The following ARL3 variants were observed in gnomAD, a reference collection of about 807,000 sequenced individuals.
ARL3 encodes ADP-ribosylation factor-like protein 3.
Under a neutral mutation model 26.0 loss-of-function variants are expected in ARL3, and 9 were observed. The ratio of observed to expected loss-of-function variants is 0.35; its 90% confidence interval spans 0.21 to 0.60. The LOEUF (loss-of-function observed/expected upper bound fraction) is 0.60, where lower values mean the gene tolerates loss of function less well. Ranked by LOEUF, ARL3 falls within the 20% of genes least tolerant of loss-of-function variation. The pLI is 0.78. For synonymous variants in ARL3, 71 were observed against 78.4 expected (o/e 0.91, Z 0.50); for missense variants, 158 against 215.7 (o/e 0.73, Z 1.67).
chr10:102,708,886 T>TAATATATATATA lies in ARL3; in HGVS notation c.4-3398_4-3397insTATATATATATT, dbSNP rs60736499. ...CAAAAACAAAAAATAAAACCATATA[T>TAATATATATATA]TATATATATATATATATATATATTT... On this transcript the variant is annotated intron_variant, in intron 1 of 5. Transcript: ENST00000260746. Among the ~76,000 whole-genome samples the TAATATATATATA allele has an allele frequency of 5.5e-3, 500 of 90,202 alleles. 16 individuals are homozygous for TAATATATATATA. The highest frequency in any genetic ancestry group is 0.013 in the Middle Eastern group (2 of 150). 59.2% of individuals were successfully genotyped at this position (90,202 alleles called of 152,430 possible).
At position 102,681,392 on chromosome 10, in the gene ARL3, C is replaced by CAAAA. The variant is rs11421481; in HGVS notation, c.501+4420_501+4423dup. ...GGGCAAGAAGAGCGAAACTCCATCT[C>CAAAA]AAAAAAAAAAAAAAAATTAAAATTC... On this transcript the variant is annotated intron_variant, in intron 5 of 5. Transcript: ENST00000260746. Among the ~76,000 whole-genome samples, 44 of 132,618 alleles carry CAAAA rather than the reference C, an allele frequency of 3.3e-4. 1 individual carries two copies. Among genetic ancestry groups the CAAAA allele is most frequent in the East Asian group, 1.8e-3 (8 of 4,570 alleles). 87.0% of individuals were successfully genotyped at this position (132,618 alleles called of 152,430 possible). A position where few individuals can be genotyped will look rare whatever the true frequency, so the allele number is the denominator to read the frequency against.
chr10:102,714,260 C>A lies in ARL3; in HGVS notation c.3+13G>T. ...CCGGCCGGCTCCAAGGGGGCCCAGG[C>A]CCCCACACTCACCATCCTCCCGCCG... is the stretch of plus-strand genomic sequence containing the variant. On this transcript the variant is annotated intron_variant, in intron 1 of 5. Coordinates refer to ENST00000260746, the MANE Select transcript of ARL3 (RefSeq NM_004311.4). 7.6e-7 allele frequency: 1 copy of A among 1,313,738 alleles called. No homozygotes were observed. Among genetic ancestry groups the A allele is most frequent in the Non-Finnish European group, 9.8e-7 (1 of 1,022,700 alleles). The allele number at this position is 1,313,738 out of a possible 1,614,324, so 81.4% of individuals were successfully genotyped here. A position where few individuals can be genotyped will look rare whatever the true frequency, so the allele number is the denominator to read the frequency against.
intron 2 of ARL3, among the ~76,000 whole-genome samples, chr10:102,703,202 A>T (rs2064289721): frequency 6.9e-6 from 1 of 144,478 alleles, no homozygotes; most frequent in African/African-American, 2.5e-5. Flanking sequence ...GCTCACTGTA[A>T]TCTCCGCCTC....
In ARL3 at chr10:102,699,422, C is replaced by T. The variant is rs142888126; in HGVS notation, c.215G>A (p.Arg72Lys). The stretch of plus-strand genomic sequence containing the variant: ...ATTCTTCCAGTATGGTCTGATTTTC[C>T]TCTGTCCACCAATGTCCCATACATT... ...KLNVWDIGGQ[R>K]KIRPYWKNYF... The change falls in exon 3 of 6, where the codon AGG becomes AAG. Residue 72 changes from arginine to lysine, a missense_variant. By Grantham distance (26) the Arg-to-Lys change is conservative. Transcript: ENST00000260746. 7.4e-6 allele frequency: 12 copies of T among 1,612,958 alleles called. No homozygotes were observed. Among genetic ancestry groups the T allele is most frequent in the Non-Finnish European group, 1.0e-5 (12 of 1,179,370 alleles).
At chr10:102,685,672 C>G in intron 5 of ARL3, 144 bp downstream of exon 5, 1 of 841,090 alleles carries the variant, frequency 1.2e-6, no homozygotes, top group Non-Finnish European at 1.8e-6. Flanking sequence ...TGATTGGTTG[C>G]TAAGCAGAAA....
At chr10:102,684,580 C>T (rs2064172487) in intron 5 of ARL3, among the ~76,000 whole-genome samples, 1 of 152,136 alleles carries the variant, frequency 6.6e-6, no homozygotes, top group Admixed American at 6.5e-5. Flanking sequence ...GGCCTTATGA[C>T]TGCCATCCTA....
chr10:102,701,869 G>C (rs2064281291), intron 2 of ARL3, among the ~76,000 whole-genome samples: 1 of 152,014 alleles, frequency 6.6e-6, no homozygotes, highest in African/African-American at 2.4e-5. Context: ...AACATAGAAA[G>C]ATGTTCATGA....
rs75810299 is a variant in ARL3 at position 102,705,663 on chromosome 10, A to G, written c.4-174T>C. 9.2e-5 allele frequency among the ~76,000 whole-genome samples: 14 copies of G among 152,328 alleles called. No homozygotes were observed. In the East Asian group the frequency reaches 2.7e-3, roughly 29 times the overall value. On this transcript the variant is annotated intron_variant, in intron 1 of 5. Transcript: ENST00000260746. ...CTTCCTCTTTCCAAGTTTCGGTAGA[A>G]GTGCTACAGTAAATTCAGCAACTTA... is the stretch of plus-strand genomic sequence containing the variant.
intron 3 of ARL3, among the ~76,000 whole-genome samples, chr10:102,691,249 T>C (rs1015558749): frequency 6.7e-6 from 1 of 150,336 alleles, no homozygotes; most frequent in Non-Finnish European, 1.5e-5. Flanking sequence ...ATTAGGTATA[T>C]CTCCCAATGC....
chr10:102,703,446 T>C (rs1216052947), intron 2 of ARL3, among the ~76,000 whole-genome samples: 7 of 55,256 alleles, frequency 1.3e-4, no homozygotes, highest in African/African-American at 5.4e-4. Context: ...TTTTTTTTTT[T>C]TTTTTTTTTT....
chr10:102,708,850 C>T (rs1171528342), intron 1 of ARL3, among the ~76,000 whole-genome samples: 1 of 144,218 alleles, frequency 6.9e-6, no homozygotes, highest in Non-Finnish European at 1.5e-5. Context: ...AAGTGAAACT[C>T]CATCTCAAAA....
intron 3 of ARL3, among the ~76,000 whole-genome samples, chr10:102,692,661 C>T (rs1236515456): frequency 2.0e-5 from 3 of 152,022 alleles, no homozygotes; most frequent in Non-Finnish European, 4.4e-5. Flanking sequence ...GGTGATCCAC[C>T]CACCTCAGCC....
At chr10:102,708,198 C>A (rs2064319466) in intron 1 of ARL3, among the ~76,000 whole-genome samples, 1 of 151,886 alleles carries the variant, frequency 6.6e-6, no homozygotes, top group Non-Finnish European at 1.5e-5. Context: ...TTTATCTCAT[C>A]TGGTCTTGAA....
chr10:102,705,604 T>C, intron 1 of ARL3, 115 bp from the exon 2 acceptor site: 1 of 1,091,136 alleles, frequency 9.2e-7, no homozygotes, highest in Non-Finnish European at 1.2e-6. Flanking sequence ...GCTTATGTTA[T>C]TATTTTTCAT....
At chr10:102,692,644 G>A (rs1443641840) in intron 3 of ARL3, among the ~76,000 whole-genome samples, 1 of 152,094 alleles carries the variant, frequency 6.6e-6, no homozygotes, top group African/African-American at 2.4e-5. Context: ...TCGAACTCCT[G>A]ACCTCAGGTG....
chr10:102,694,594 T>C (rs965812313), intron 3 of ARL3, among the ~76,000 whole-genome samples: 2 of 152,202 alleles, frequency 1.3e-5, no homozygotes, highest in African/African-American at 4.8e-5. Flanking sequence ...GAAAAGATTA[T>C]CCTTCCTCCC....
At chr10:102,704,448 G>A (rs1031411223) in intron 2 of ARL3, among the ~76,000 whole-genome samples, 4 of 152,048 alleles carry the variant, frequency 2.6e-5, no homozygotes, top group Non-Finnish European at 5.9e-5. Context: ...AGACCAGCCT[G>A]GCCAACATGG....
chr10:102,691,294 C>T (rs2064216111), intron 3 of ARL3, among the ~76,000 whole-genome samples: 1 of 130,980 alleles, frequency 7.6e-6, no homozygotes, highest in Non-Finnish European at 1.6e-5. Flanking sequence ...CACCACAGTC[C>T]CCAGAGTGTG....
chr10:102,703,767 G>GC (rs1284472336), intron 2 of ARL3, among the ~76,000 whole-genome samples: 1 of 151,654 alleles, frequency 6.6e-6, no homozygotes, highest in African/African-American at 2.4e-5. Flanking sequence ...AAACCTCCAC[G>GC]CTGTGAGCAC....
Sources: allele counts gnomAD v4.1 joint callset (sites outside exome capture counted in the v4.1 genomes callset), GRCh38; gene constraint gnomAD v4.1.1; transcripts MANE v1.5; gene names NCBI Gene and HGNC (gene_info 2026-07-23, HGNC 2026-07-21).